ADAMTS12: variants seen among roughly 807,000 people sequenced by gnomAD.
ADAMTS12 encodes the protein ADAM metallopeptidase with thrombospondin type 1 motif 12.
ADAMTS12 carries 118 observed loss-of-function variants against 167.8 expected under a neutral mutation model. The ratio of observed to expected loss-of-function variants is 0.70; its 90% CI spans 0.61 to 0.82. ADAMTS12 has a LOEUF of 0.82. Ranked by LOEUF, ADAMTS12 falls within the 40% of genes least tolerant of loss-of-function variation. ADAMTS12 has a pLI of 0.00. For missense variants in ADAMTS12, 1,916 were observed against 1,998.8 expected (o/e 0.96, Z 0.79); for synonymous variants, 704 against 716.9 (o/e 0.98, Z 0.29).
At position 33,576,545 on chromosome 5, in the gene ADAMTS12, C is replaced by T. The variant is rs750560956; in HGVS notation, c.3481G>A (p.Glu1161Lys). 1.7e-5 allele frequency: 28 copies of T among 1,613,666 alleles called. No homozygotes were observed. Among genetic ancestry groups the T allele is most frequent in the Admixed American group, 6.7e-5 (4 of 59,982 alleles). The stretch of plus-strand genomic sequence containing the variant: ...TTGTCCTCAGGCTGTTCTCTTTCTT[C>T]CCCTGAGCCACTGTGAATCTCCATT... ...PEMEIHSGSG[E>K]EREQPEDKDE... The change falls in exon 19 of 24, where the codon GAA becomes AAA. Residue 1161 changes from glutamate (E) to lysine (K), a missense_variant. Physicochemically the swap from Glu to Lys is moderately conservative, Grantham distance 56. Transcript: ENST00000504830.
chr5:33,528,856 C>A (rs1191514600), intron 23 of ADAMTS12, among the ~76,000 whole-genome samples: 1 of 152,136 alleles, frequency 6.6e-6, no homozygotes, highest in African/African-American at 2.4e-5. Context: ...ACTAGTCTAG[C>A]CAACATGGTG....
intron 3 of ADAMTS12, among the ~76,000 whole-genome samples, chr5:33,744,726 G>A (rs945530147): frequency 1.3e-5 from 2 of 152,186 alleles, no homozygotes; most frequent in African/African-American, 4.8e-5. Context: ...TGAGGACACA[G>A]ATTAAAGAAG....
rs10941083 is a variant in ADAMTS12 at position 33,722,447 on chromosome 5, C to T, written c.634+28957G>A. 9.3e-3 allele frequency among the ~76,000 whole-genome samples: 1,420 copies of T among 152,162 alleles called. 73 individuals carry two copies. The East Asian group carries it at 0.15, about 16-fold the overall frequency. ...CTATAAGGTAGACATTATTATATGC[C>T]GATTTTACAGCTGAATGTTAGGCAT... On this transcript the variant is annotated intron_variant, in intron 3 of 23. Coordinates refer to ENST00000504830, the MANE Select transcript of ADAMTS12 (RefSeq NM_030955.4).
At position 33,630,761 on chromosome 5, in the gene ADAMTS12, A is replaced by G; in HGVS notation, c.2022+19T>C. Reference sequence around the variant, plus strand: ...TCATGATTTTATAAAGTTGTAGATTAAGGAAACATACCCAATACCTTACAT... The same window carrying G: ...TCATGATTTTATAAAGTTGTAGATTGAGGAAACATACCCAATACCTTACAT... On this transcript the variant is annotated intron_variant, in intron 13 of 23. Coordinates refer to ENST00000504830, the MANE Select transcript of ADAMTS12 (RefSeq NM_030955.4). 6.3e-7 allele frequency: 1 copy of G among 1,599,280 alleles called. No homozygotes were observed. Among genetic ancestry groups the G allele is most frequent in the Non-Finnish European group, 8.6e-7 (1 of 1,168,650 alleles).
intron 3 of ADAMTS12, among the ~76,000 whole-genome samples, chr5:33,746,050 A>G (rs535229970): frequency 2.0e-5 from 3 of 152,352 alleles, no homozygotes; most frequent in African/African-American, 7.2e-5. Context: ...AAAAATAAAA[A>G]ACAAATATAG....
At chr5:33,876,644 T>G (rs2111757055) in intron 2 of ADAMTS12, among the ~76,000 whole-genome samples, 1 of 152,260 alleles carries the variant, frequency 6.6e-6, no homozygotes, top group South Asian at 2.1e-4. Flanking sequence ...GTCTCATACC[T>G]CATACAAAAA....
At chr5:33,789,092 C>T (rs1227952596) in intron 2 of ADAMTS12, among the ~76,000 whole-genome samples, 1 of 152,230 alleles carries the variant, frequency 6.6e-6, no homozygotes, top group African/African-American at 2.4e-5. Flanking sequence ...TGATTTTCCT[C>T]TCTGAGTCAT....
chr5:33,611,349 T>G (rs1738718812), intron 16 of ADAMTS12, among the ~76,000 whole-genome samples: 1 of 152,086 alleles, frequency 6.6e-6, no homozygotes, highest in African/African-American at 2.4e-5. Context: ...TTTTTTTTTT[T>G]TGTCTTTAAT....
At chr5:33,778,463 T>A (rs569634342) in intron 2 of ADAMTS12, among the ~76,000 whole-genome samples, 1 of 150,810 alleles carries the variant, frequency 6.6e-6, no homozygotes, top group South Asian at 2.1e-4. Flanking sequence ...GAAGACTGGA[T>A]ATGCACATTC....
At chr5:33,744,857 C>T (rs1414878953) in intron 3 of ADAMTS12, among the ~76,000 whole-genome samples, 1 of 152,150 alleles carries the variant, frequency 6.6e-6, no homozygotes, top group Non-Finnish European at 1.5e-5. Context: ...CACTGTCACC[C>T]AGACTGGAGT....
rs11951993 is a variant in ADAMTS12 at position 33,754,003 on chromosome 5, T to C, written c.490-2455A>G. On this transcript the variant is annotated intron_variant, in intron 2 of 23. Transcript: ENST00000504830. ...TAGGTAGGAGAGGGGATGAAGCAGC[T>C]GTAGGGAGAGTGAGGTGGGGAATTC... 2.4e-3 allele frequency among the ~76,000 whole-genome samples: 367 copies of C among 152,292 alleles called. 1 individual carries two copies. Among genetic ancestry groups the C allele is most frequent in the African/African-American group, 8.5e-3 (354 of 41,570 alleles).
chr5:33,584,532 C>A (rs535441605), intron 18 of ADAMTS12, among the ~76,000 whole-genome samples: 1 of 152,120 alleles, frequency 6.6e-6, no homozygotes, highest in African/African-American at 2.4e-5. Context: ...CATTTGGGTA[C>A]GACTGATTGA....
chr5:33,831,264 G>A (rs1748289366), intron 2 of ADAMTS12, among the ~76,000 whole-genome samples: 1 of 152,146 alleles, frequency 6.6e-6, no homozygotes, highest in South Asian at 2.1e-4. Context: ...TAAAGATGAG[G>A]TCAGTGAGGC....
intron 13 of ADAMTS12, among the ~76,000 whole-genome samples, chr5:33,625,087 C>A (rs1317982391): frequency 6.6e-6 from 1 of 152,092 alleles, no homozygotes; most frequent in Non-Finnish European, 1.5e-5. Flanking sequence ...GAACTCTTGG[C>A]CTCCCACCTC....
chr5:33,712,144 A>G (rs1743423689), intron 3 of ADAMTS12, among the ~76,000 whole-genome samples: 1 of 152,208 alleles, frequency 6.6e-6, no homozygotes, highest in South Asian at 2.1e-4. Flanking sequence ...GACTTGATGC[A>G]TAAACCACAT....
At chr5:33,681,474 C>T (rs1742110813) in intron 5 of ADAMTS12, among the ~76,000 whole-genome samples, 1 of 152,184 alleles carries the variant, frequency 6.6e-6, no homozygotes, top group African/African-American at 2.4e-5. Context: ...TTCATTCATT[C>T]ATTTGTGTCC....
At chr5:33,818,949 T>C (rs1187764646) in intron 2 of ADAMTS12, among the ~76,000 whole-genome samples, 1 of 152,110 alleles carries the variant, frequency 6.6e-6, no homozygotes, top group Admixed American at 6.6e-5. Context: ...TTTTCTGCTA[T>C]TGAGTTGTAA....
At chr5:33,658,857 T>C (rs2112212090) in intron 6 of ADAMTS12, among the ~76,000 whole-genome samples, 1 of 152,334 alleles carries the variant, frequency 6.6e-6, no homozygotes, top group African/African-American at 2.4e-5. Flanking sequence ...CTAACAATAT[T>C]GCATATATGA....
At chr5:33,876,739 A>C (rs1467703931) in intron 2 of ADAMTS12, among the ~76,000 whole-genome samples, 4 of 152,188 alleles carry the variant, frequency 2.6e-5, no homozygotes, top group African/African-American at 9.6e-5. Context: ...TAGCTATAAA[A>C]GGATAACATG....
Sources: allele counts gnomAD v4.1 joint callset (sites outside exome capture counted in the v4.1 genomes callset), GRCh38; gene constraint gnomAD v4.1.1; transcripts MANE v1.5; gene names NCBI Gene and HGNC (gene_info 2026-07-23, HGNC 2026-07-21).